Variants in CCDC141 observed in about 807,000 individuals in gnomAD.
CCDC141 encodes coiled-coil domain-containing protein 141.
CCDC141 carries 168 observed loss-of-function variants against 181.0 expected under a neutral mutation model. That is an observed-to-expected ratio of 0.93 (90% CI 0.82 to 1.05). CCDC141 has a LOEUF of 1.05. CCDC141 is among the 50% of genes least tolerant of loss of function. CCDC141 has a pLI of 0.00. For synonymous variants in CCDC141, 666 were observed against 642.3 expected, an observed-to-expected ratio of 1.04 and a Z score of -0.56; for missense variants, 1,902 against 1,788.5, an observed-to-expected ratio of 1.06 and a Z score of -1.14.
intron 2 of CCDC141, among the ~76,000 whole-genome samples, chr2:179,023,121 C>T (rs1381408653): frequency 1.3e-5 from 2 of 152,126 alleles, no homozygotes; most frequent in African/African-American, 2.4e-5. Context: ...ACTGTATATA[C>T]ATTTGTATAT....
chr2:178,856,445 C>G, intron 17 of CCDC141, 48 bp from the exon 18 acceptor site: 1 of 1,374,270 alleles, frequency 7.3e-7, no homozygotes, highest in South Asian at 1.4e-5. Context: ...AATGAGAAAA[C>G]AAAGTCACTT....
intron 17 of CCDC141, among the ~76,000 whole-genome samples, chr2:178,858,014 A>G (rs1000120863): frequency 2.6e-5 from 4 of 152,162 alleles, no homozygotes; most frequent in African/African-American, 7.2e-5. Flanking sequence ...AAATTATTAT[A>G]CTGATAGAAT....
At chr2:178,920,695 T>TACAC (rs59015092) in intron 6 of CCDC141, among the ~76,000 whole-genome samples, 4,730 of 146,724 alleles carry the variant, frequency 0.032, 192 homozygotes, top group East Asian at 0.22. Context: ...CTGAACTCCA[T>TACAC]ACACACACAC....
chr2:179,026,070 C>G (rs187073571), intron 2 of CCDC141, among the ~76,000 whole-genome samples: 4 of 152,222 alleles, frequency 2.6e-5, no homozygotes, highest in African/African-American at 9.6e-5. Flanking sequence ...AAATTTGCAG[C>G]CAGACAATGT....
At chr2:178,990,446 C>T (rs866978088) in intron 2 of CCDC141, among the ~76,000 whole-genome samples, 1 of 150,902 alleles carries the variant, frequency 6.6e-6, no homozygotes, top group Non-Finnish European at 1.5e-5. Flanking sequence ...TGTCCATTTA[C>T]TGGTGAATGG....
rs928800597 is a variant in CCDC141, at chr2:178,905,595, C to T, written c.1093-94G>A. 115 of 1,133,358 alleles carry T rather than the reference C, an allele frequency of 1.0e-4. No individual in the cohort carries two copies. In the African/African-American group the frequency reaches 1.5e-3, roughly 14 times the overall value. The allele number at this position is 1,133,358 out of a possible 1,614,324, so 70.2% of individuals were successfully genotyped here. A position where few individuals can be genotyped will look rare whatever the true frequency, so the allele number is the denominator to read the frequency against. On this transcript the variant is annotated intron_variant, in intron 7 of 23. Transcript: ENST00000443758. ...ACACTGGCAATTAAATCAGGCCAAA[C>T]AATTTGTTAGTTTCATTATAACAAA... is the stretch of plus-strand genomic sequence containing the variant.
At chr2:178,947,374 C>T (rs1045889258) in intron 5 of CCDC141, among the ~76,000 whole-genome samples, 1 of 152,080 alleles carries the variant, frequency 6.6e-6, no homozygotes, top group African/African-American at 2.4e-5. Flanking sequence ...AGGAGATGTA[C>T]AAAGGAAGGA....
chr2:178,819,735 C>T, the CCDC141 span, among the ~76,000 whole-genome samples: 2 of 152,148 alleles, frequency 1.3e-5, no homozygotes, highest in African/African-American at 2.4e-5. Context: ...GACAACCCCC[C>T]AAACACACAG....
chr2:178,876,031 T>C (rs1686344633), intron 12 of CCDC141: 1 of 152,232 alleles, frequency 6.6e-6, no homozygotes, highest in African/African-American at 2.4e-5. Context: ...GCAAGTTTTC[T>C]TTAGTGCTTA....
the CCDC141 span, among the ~76,000 whole-genome samples, chr2:178,816,467 A>G: frequency 6.6e-6 from 1 of 152,188 alleles, no homozygotes; most frequent in African/African-American, 2.4e-5. Context: ...TTTGCTTCCA[A>G]GTTTTCGCCA....
chr2:179,037,566 C>A (rs189185699), intron 2 of CCDC141, among the ~76,000 whole-genome samples: 265 of 152,248 alleles, frequency 1.7e-3, no homozygotes, highest in South Asian at 0.017. Flanking sequence ...AAGCAGCCTA[C>A]AGAATGGCAG....
In CCDC141 at chr2:178,871,434, T is replaced by C. The variant is rs1686116856; in HGVS notation, c.2198A>G (p.Gln733Arg). 1 of 1,613,364 alleles carries C rather than the reference T, an allele frequency of 6.2e-7. No individual in the cohort carries two copies. The highest frequency in any genetic ancestry group is 8.5e-7 in the Non-Finnish European group (1 of 1,179,696). ...AGCAATATATTTCTTCACCTGGAAC[T>C]GAGGCTTCATGTCATTCCATTTTTG... ...LRQKWNDMKPQFQQLNDEVQY... is the reference protein window; with the variant it reads ...LRQKWNDMKPRFQQLNDEVQY... Residue 733 changes from glutamine (Q) to arginine (R), a missense_variant, in exon 14 of 24, where the codon CAG (glutamine) becomes CGG (arginine). Coordinates refer to ENST00000443758, the MANE Select transcript of CCDC141 (RefSeq NM_173648.4).
intron 7 of CCDC141, among the ~76,000 whole-genome samples, chr2:178,906,146 G>A (rs1256700054): frequency 6.6e-6 from 1 of 152,180 alleles, no homozygotes; most frequent in Non-Finnish European, 1.5e-5. Flanking sequence ...ATAGGATTAT[G>A]CATAAAAAAC....
intron 8 of CCDC141, among the ~76,000 whole-genome samples, chr2:178,896,633 C>T (rs1474527734): frequency 6.6e-6 from 1 of 152,118 alleles, no homozygotes; most frequent in Non-Finnish European, 1.5e-5. Flanking sequence ...CAACAGGCTT[C>T]TTGTTATTGA....
chr2:178,925,981 G>C (rs1283123717), intron 6 of CCDC141, among the ~76,000 whole-genome samples: 1 of 151,988 alleles, frequency 6.6e-6, no homozygotes, highest in Non-Finnish European at 1.5e-5. Flanking sequence ...CTTAATAGAA[G>C]GGAGGGTCTG....
chr2:178,844,190 T>C (rs935132277), intron 22 of CCDC141, among the ~76,000 whole-genome samples: 11 of 152,190 alleles, frequency 7.2e-5, no homozygotes, highest in African/African-American at 2.7e-4. Context: ...ATGTAGGAAA[T>C]TGTGCAGAAC....
intron 2 of CCDC141, among the ~76,000 whole-genome samples, chr2:179,026,383 G>A (rs1353169601): frequency 3.9e-5 from 6 of 152,216 alleles, no homozygotes; most frequent in African/African-American, 9.6e-5. Flanking sequence ...TGGCTTCAGA[G>A]GGTGCAAGCC....
At chr2:178,828,707 G>T (rs1684161506), downstream of CCDC141, among the ~76,000 whole-genome samples, 1 of 152,156 alleles carries the variant, frequency 6.6e-6, no homozygotes, top group South Asian at 2.1e-4. Flanking sequence ...TTTTCCAACA[G>T]CTTGTTTGTG....
At position 178,959,563 on chromosome 2, in the gene CCDC141, C is replaced by T. The variant is rs148979721; in HGVS notation, c.780+1667G>A. ...TTCCTTCTTGTTATGCCAGAGTCTTCAGGAAAAGACCTTTGCATTGGACGA... is the reference window on the plus strand; with the variant it reads ...TTCCTTCTTGTTATGCCAGAGTCTTTAGGAAAAGACCTTTGCATTGGACGA... On this transcript the variant is annotated intron_variant, in intron 5 of 23. Coordinates refer to ENST00000443758, the MANE Select transcript of CCDC141 (RefSeq NM_173648.4). 3.3e-3 allele frequency among the ~76,000 whole-genome samples: 505 copies of T among 152,244 alleles called. 5 individuals are homozygous for T. The highest frequency in any genetic ancestry group is 0.02 in the South Asian group (96 of 4,822).
Sources: gnomAD v4.1 joint callset for allele counts (sites outside exome capture counted in the v4.1 genomes callset) on GRCh38, gnomAD v4.1.1 for gene constraint, MANE v1.5 for transcripts, NCBI Gene and HGNC (gene_info 2026-07-23, HGNC 2026-07-21) for gene names.